PTBP2: variants seen among roughly 807,000 people sequenced by gnomAD.
PTBP2 encodes polypyrimidine tract binding protein 2, also known as polypyrimidine tract-binding protein 2.
In PTBP2, 13 loss-of-function variants were observed where a neutral mutation model predicts 61.4. The ratio of observed to expected loss-of-function variants is 0.21; its 90% CI spans 0.14 to 0.34. The LOEUF (loss-of-function observed/expected upper bound fraction) is 0.34. PTBP2 is among the 10% of genes least tolerant of loss of function. PTBP2 has a pLI of 1.00. For missense variants in PTBP2, 405 were observed against 642.6 expected, an observed-to-expected ratio of 0.63 and a Z score of 4.00; for synonymous variants, 215 against 218.5, an observed-to-expected ratio of 0.98 and a Z score of 0.14.
rs7514196 is a variant in PTBP2, at chr1:96,812,192, C to A, written c.1172-520C>A. Among the ~76,000 whole-genome samples the A allele has an allele frequency of 3.0e-3, 452 of 152,216 alleles. 3 individuals carry two copies. The highest frequency in any genetic ancestry group is 0.011 in the African/African-American group (438 of 41,520). On this transcript the variant is annotated intron_variant, in intron 11 of 13. Coordinates refer to ENST00000674951, the MANE Select transcript of PTBP2 (RefSeq NM_021190.4). Reference sequence around the variant, plus strand: ...GGTTTTAAGCAGGTATTGACGTGATCAGATTTGTAATTTATGAAGGTCATC... The same window carrying A: ...GGTTTTAAGCAGGTATTGACGTGATAAGATTTGTAATTTATGAAGGTCATC...
chr1:96,769,652 A>G, intron 3 of PTBP2, 51 bp from the exon 4 acceptor site: 1 of 1,269,480 alleles, frequency 7.9e-7, no homozygotes, highest in Non-Finnish European at 1.0e-6. Context: ...AGGAAAATTC[A>G]TACATTCTTT....
intron 2 of PTBP2, among the ~76,000 whole-genome samples, chr1:96,748,790 G>A (rs1654163954): frequency 6.6e-6 from 1 of 152,128 alleles, no homozygotes; most frequent in Admixed American, 6.6e-5. Context: ...TACATTGTAA[G>A]TTAAATGACC....
chr1:96,823,423 T>C (rs1035293101), exon 14 of PTBP2: 71 of 152,326 alleles, frequency 4.7e-4, no homozygotes, highest in African/African-American at 1.6e-3. Context: ...AGTTTTGACA[T>C]GTAAATTATT....
chr1:96,819,412 T>TA (rs1662601011), downstream of PTBP2: 1 of 152,004 alleles, frequency 6.6e-6, no homozygotes, highest in Admixed American at 6.6e-5. Context: ...TGTCATGTCT[T>TA]ACTATTTCCT....
chr1:96,785,669 A>G (rs573747654), intron 8 of PTBP2, among the ~76,000 whole-genome samples: 1 of 152,316 alleles, frequency 6.6e-6, no homozygotes, highest in East Asian at 1.9e-4. Flanking sequence ...GCATGGAAAC[A>G]GTGAAATGTT....
intron 2 of PTBP2, among the ~76,000 whole-genome samples, chr1:96,728,933 G>C (rs1239656292): frequency 6.7e-6 from 1 of 149,318 alleles, no homozygotes; most frequent in Non-Finnish European, 1.5e-5. Flanking sequence ...ATTTCCAATT[G>C]TTTGCTAGTG....
chr1:96,803,757 TA>T (rs923944724), intron 8 of PTBP2, among the ~76,000 whole-genome samples: 1 of 152,040 alleles, frequency 6.6e-6, no homozygotes, highest in African/African-American at 2.4e-5. Flanking sequence ...AAAGAAGAAA[TA>T]AAATGTGAAC....
intron 7 of PTBP2, among the ~76,000 whole-genome samples, chr1:96,782,011 T>G (rs1173388952): frequency 6.6e-6 from 1 of 152,012 alleles, no homozygotes; most frequent in Non-Finnish European, 1.5e-5. Context: ...AATATCAATC[T>G]TTTTAATAGT....
chr1:96,724,952 C>T (rs1650185327), intron 2 of PTBP2, among the ~76,000 whole-genome samples: 1 of 152,130 alleles, frequency 6.6e-6, no homozygotes, highest in Admixed American at 6.5e-5. Context: ...TGTCCTCTTT[C>T]CTATAGTGAA....
At chr1:96,794,941 T>C (rs1660220925) in intron 8 of PTBP2, among the ~76,000 whole-genome samples, 1 of 152,220 alleles carries the variant, frequency 6.6e-6, no homozygotes, top group South Asian at 2.1e-4. Context: ...GGACAAGATC[T>C]TAAAACCAGT....
At chr1:96,733,058 C>G (rs1211189900) in intron 2 of PTBP2, among the ~76,000 whole-genome samples, 4 of 143,278 alleles carry the variant, frequency 2.8e-5, no homozygotes, top group African/African-American at 1.0e-4. Context: ...TTTATTGTAA[C>G]AACACAAAGT....
chr1:96,762,963 C>A (rs915531867), intron 3 of PTBP2, among the ~76,000 whole-genome samples: 55 of 150,104 alleles, frequency 3.7e-4, no homozygotes, highest in Non-Finnish European at 6.5e-4. Context: ...AGCGGCGCTC[C>A]CCACATCTCA....
At chr1:96,738,892 A>G (rs970258872) in intron 2 of PTBP2, among the ~76,000 whole-genome samples, 2 of 152,230 alleles carry the variant, frequency 1.3e-5, no homozygotes, top group Admixed American at 6.5e-5. Flanking sequence ...AAATGATCAG[A>G]TAAGTATATT....
intron 2 of PTBP2, among the ~76,000 whole-genome samples, chr1:96,734,337 C>T (rs1401431132): frequency 2.6e-5 from 4 of 152,102 alleles, no homozygotes; most frequent in African/African-American, 9.7e-5. Context: ...TAGGGACTCT[C>T]CTCTCCTTTT....
chr1:96,750,136 C>T (rs575122893), intron 2 of PTBP2, among the ~76,000 whole-genome samples: 181 of 151,858 alleles, frequency 1.2e-3, no homozygotes, highest in African/African-American at 4.3e-3. Flanking sequence ...TGGGATTGGA[C>T]CTGAGAACAT....
chr1:96,804,614 A>G (rs1382635874), intron 8 of PTBP2, among the ~76,000 whole-genome samples, 186 bp from the exon 9 acceptor site: 10 of 152,180 alleles, frequency 6.6e-5, no homozygotes, highest in South Asian at 6.2e-4. Context: ...GTTGAAATCA[A>G]TTATTTTTCT....
intron 5 of PTBP2, among the ~76,000 whole-genome samples, chr1:96,774,058 C>T (rs936605169): frequency 2.0e-5 from 3 of 150,588 alleles, no homozygotes; most frequent in Non-Finnish European, 4.4e-5. Flanking sequence ...AAATTCAGGG[C>T]AGCAGTGAAC....
At chr1:96,727,336 A>C (rs1650715845) in intron 2 of PTBP2, among the ~76,000 whole-genome samples, 1 of 152,154 alleles carries the variant, frequency 6.6e-6, no homozygotes, top group East Asian at 1.9e-4. Flanking sequence ...GTTTTGAGCT[A>C]ATAAAAATAT....
At chr1:96,727,330 T>C (rs1212166809) in intron 2 of PTBP2, among the ~76,000 whole-genome samples, 15 of 152,220 alleles carry the variant, frequency 9.9e-5, no homozygotes, top group Admixed American at 9.8e-4. Context: ...TTTTCCGTTT[T>C]GAGCTAATAA....
Sources: gnomAD v4.1 joint callset for allele counts (sites outside exome capture counted in the v4.1 genomes callset) on GRCh38, gnomAD v4.1.1 for gene constraint, MANE v1.5 for transcripts, NCBI Gene and HGNC (gene_info 2026-07-23, HGNC 2026-07-21) for gene names.